The following PROSER3 variants were observed in gnomAD, a reference collection of about 807,000 sequenced individuals.
The protein encoded by PROSER3 is proline and serine rich 3.
Under a neutral mutation model 50.2 loss-of-function variants are expected in PROSER3, and 33 were observed. The ratio of observed to expected loss-of-function variants is 0.66; its 90% CI spans 0.50 to 0.88. PROSER3 has a LOEUF of 0.88. Among genes scored for constraint, PROSER3 ranks in the 40% least tolerant of loss-of-function variants. PROSER3 has a pLI of 0.00. For synonymous variants in PROSER3, 266 were observed against 259.3 expected (o/e 1.03, Z -0.25); for missense variants, 623 against 612.7 (o/e 1.02, Z -0.18).
At chr19:35,765,120 C>T in exon 7 of PROSER3, 1 of 1,613,996 alleles carries the variant, frequency 6.2e-7, no homozygotes. Context: ...GGCCTCTCTC[C>T]CTTCTCGGAG....
intron 1 of PROSER3, 102 bp from the exon 2 acceptor site, chr19:35,759,272 A>G (rs1970873390): frequency 3.4e-6 from 3 of 890,324 alleles, no homozygotes; most frequent in Non-Finnish European, 1.7e-6. Flanking sequence ...CGTCTCCTCC[A>G]GGAATCTATG....
chr19:35,768,674 C>A, exon 11 of PROSER3: 1 of 1,182,932 alleles, frequency 8.5e-7, no homozygotes, highest in Non-Finnish European at 1.1e-6. Flanking sequence ...TGCCCCCCAT[C>A]CTCCGCTGCC....
At chr19:35,767,751 A>G in intron 8 of PROSER3, 1 of 1,562,550 alleles carries the variant, frequency 6.4e-7, no homozygotes, top group Non-Finnish European at 8.7e-7. Context: ...CAGGCCACAC[A>G]ACCCCAAACC....
exon 3 of PROSER3, chr19:35,759,959 C>A: frequency 1.2e-6 from 2 of 1,604,128 alleles, no homozygotes; most frequent in Non-Finnish European, 1.7e-6. Context: ...CAGCACCCAC[C>A]CTGATTGACA....
At chr19:35,758,403 C>T in intron 1 of PROSER3, 177 bp downstream of exon 1, 1 of 727,036 alleles carries the variant, frequency 1.4e-6, no homozygotes, top group East Asian at 3.3e-5. Context: ...CCGTTAGCAT[C>T]CCGGGGGTCC....
In PROSER3 at chr19:35,762,150, C is replaced by T. The variant is rs760452751; in HGVS notation, c.439+4C>T. 61 of 1,594,302 alleles carry T rather than the reference C, an allele frequency of 3.8e-5. No homozygotes were observed. The highest frequency in any genetic ancestry group is 6.7e-5 in the African/African-American group (5 of 74,574). On this transcript the variant is annotated splice_donor_region_variant and intron_variant, in intron 4 of 10. Coordinates refer to ENST00000396908, the Ensembl canonical transcript of PROSER3. Reference sequence around the variant, plus strand: ...CCCAGCAGTCAAAGTGCAGCAGGTACCTCTTTCAGTGCCATCCACTACTCC... The same window carrying T: ...CCCAGCAGTCAAAGTGCAGCAGGTATCTCTTTCAGTGCCATCCACTACTCC...
chr19:35,767,140 C>A (rs1405069573), intron 8 of PROSER3: 3 of 729,532 alleles, frequency 4.1e-6, no homozygotes, highest in East Asian at 5.9e-5. Context: ...CACTGTGGAG[C>A]AGTGTGGCCC....
At position 35,759,388 on chromosome 19, in the gene PROSER3, CCATT is replaced by C. The variant is rs1325312191; in HGVS notation, c.29_32del (p.Ile10LysfsTer28). On this transcript the variant is annotated frameshift_variant, in exon 2 of 11. Transcript: ENST00000396908. LOFTEE classifies it high-confidence loss of function. ...TCCTCTTGCAGCCTGCCAGTTTTCT[CCATT>C]CAAGATAGTCCCTTTGGAGATGCGC... The C allele has an allele frequency of 1.9e-6, 3 of 1,613,430 alleles. No homozygotes were observed. Among genetic ancestry groups the C allele is most frequent in the Non-Finnish European group, 2.5e-6 (3 of 1,179,752 alleles).
chr19:35,764,131 C>T (rs1971058816), intron 5 of PROSER3, among the ~76,000 whole-genome samples: 1 of 152,102 alleles, frequency 6.6e-6, no homozygotes, highest in African/African-American at 2.4e-5. Context: ...CGGGCTTTCC[C>T]CTCACAATAG....
At position 35,759,483 on chromosome 19, in the gene PROSER3, C is replaced by G. The variant is rs1568407719; in HGVS notation, c.108+13C>G. 1 of 1,602,684 alleles carries G rather than the reference C, an allele frequency of 6.2e-7. No homozygotes were observed. The highest frequency in any genetic ancestry group is 1.7e-4 in the Middle Eastern group (1 of 6,056). On this transcript the variant is annotated intron_variant, in intron 2 of 10. Coordinates refer to ENST00000396908, the Ensembl canonical transcript of PROSER3. The stretch of plus-strand genomic sequence containing the variant: ...CTGGTGTCCCAAGGTGAGGACACCC[C>G]TCAAAGAGTGCTGAGTGCCAGCCCA...
chr19:35,768,454 G>T, exon 11 of PROSER3: 4 of 1,598,192 alleles, frequency 2.5e-6, no homozygotes, highest in Non-Finnish European at 3.4e-6. Flanking sequence ...GAAGACCTGG[G>T]ATCTTGGTCC....
intron 1 of PROSER3, chr19:35,758,637 C>T (rs1428689714): frequency 2.0e-5 from 4 of 204,590 alleles, no homozygotes; most frequent in African/African-American, 9.2e-5. Flanking sequence ...ATGGGAAATG[C>T]TCGGTGATAT....
chr19:35,770,029 C>T (rs1971291496), downstream of PROSER3, among the ~76,000 whole-genome samples: 1 of 152,136 alleles, frequency 6.6e-6, no homozygotes, highest in Non-Finnish European at 1.5e-5. Flanking sequence ...CTCAGCCTCC[C>T]TAGTAGCTGG....
chr19:35,759,338 A>G, intron 1 of PROSER3, 36 bp from the exon 2 acceptor site: 1 of 1,584,010 alleles, frequency 6.3e-7, no homozygotes, highest in Non-Finnish European at 8.6e-7. Context: ...CTGCGGCGAA[A>G]CCACGTGCTG....
rs548681503 is a variant in PROSER3, at chr19:35,768,475, G to A, written c.1373G>A (p.Gly458Glu). ...CTGGGATCTTGGTCCCCTCCAGCCG[G>A]GTCGCCCCCTAGGTCCCCAAGGAGG... The change falls in exon 11 of 11, where the codon GGG becomes GAG. Residue 458 changes from glycine (G) to glutamate (E), a missense_variant. Physicochemically the swap from Gly to Glu is moderately conservative, Grantham distance 98 (BLOSUM62 -2). Transcript: ENST00000396908. The A allele has an allele frequency of 4.4e-6, 7 of 1,598,220 alleles. No individual in the cohort carries two copies. In the African/African-American group the frequency reaches 6.7e-5, roughly 15 times the overall value.
At chr19:35,758,176 G>T in exon 1 of PROSER3, 1 of 1,552,450 alleles carries the variant, frequency 6.4e-7, no homozygotes. Context: ...CCTGTTGGGT[G>T]AAGGAGCAGA....
chr19:35,765,170 G>A (rs1028568275), exon 7 of PROSER3: 8 of 1,613,140 alleles, frequency 5.0e-6, no homozygotes, highest in Admixed American at 1.7e-5. Flanking sequence ...TGGCCCCAGG[G>A]CACCCGGTAA....
At chr19:35,767,878 C>G (rs373406361) in exon 9 of PROSER3, 128 of 1,613,256 alleles carry the variant, frequency 7.9e-5, no homozygotes, top group Non-Finnish European at 1.0e-4. Flanking sequence ...CCACTCCTTC[C>G]CCTGGAGCCT....
intron 2 of PROSER3, 62 bp from the exon 3 acceptor site, chr19:35,759,727 C>A: frequency 7.0e-7 from 1 of 1,432,758 alleles, no homozygotes; most frequent in Non-Finnish European, 9.6e-7. Context: ...GTCCTGGTTC[C>A]CCTGCAGGGA....
Sources: gnomAD v4.1 joint callset for allele counts (sites outside exome capture counted in the v4.1 genomes callset) on GRCh38, gnomAD v4.1.1 for gene constraint, MANE v1.5 for transcripts, NCBI Gene and HGNC (gene_info 2026-07-23, HGNC 2026-07-21) for gene names.